Variants in FREM2 observed in about 807,000 individuals in gnomAD.
FREM2 encodes the protein FRAS1 related extracellular matrix 2.
FREM2 carries 119 observed loss-of-function variants against 219.9 expected under a neutral mutation model. That is an observed-to-expected ratio of 0.54 (90% CI 0.47 to 0.63). FREM2 has a LOEUF of 0.63. FREM2 is among the 30% of genes least tolerant of loss of function. The pLI is 0.00. For missense variants in FREM2, 4,030 were observed against 3,993.6 expected (o/e 1.01, Z -0.25); for synonymous variants, 1,562 against 1,522.8 (o/e 1.03, Z -0.60).
At position 38,689,580 on chromosome 13, in the gene FREM2, C is replaced by T. The variant is rs1869709304; in HGVS notation, c.2236C>T (p.Pro746Ser). 1 of 1,612,682 alleles carries T rather than the reference C, an allele frequency of 6.2e-7. No individual in the cohort carries two copies. The highest frequency in any genetic ancestry group is 8.5e-7 in the Non-Finnish European group (1 of 1,179,184). ...RELRYTVTQP[P>S]TDTDENHLPA... ...ACTACGTTACACAGTGACTCAGCCC[C>T]CCACAGACACAGACGAAAATCACCT... The change falls in exon 1 of 24, where the codon CCC (proline) becomes TCC (serine). Residue 746 changes from proline to serine, a missense_variant. Transcript: ENST00000280481.
At chr13:38,773,395 C>T (rs1013821059) in intron 4 of FREM2, among the ~76,000 whole-genome samples, 1 of 151,834 alleles carries the variant, frequency 6.6e-6, no homozygotes, top group African/African-American at 2.4e-5. Context: ...TCCCCCACAC[C>T]CCCTTTTTTT....
chr13:38,749,600 T>C (rs1490281420), intron 2 of FREM2, among the ~76,000 whole-genome samples: 2 of 151,894 alleles, frequency 1.3e-5, no homozygotes, highest in Non-Finnish European at 1.5e-5. Flanking sequence ...GGTGGGAGGG[T>C]CTGACTGTCC....
chr13:38,687,597 C>G lies in FREM2; in HGVS notation c.253C>G (p.Arg85Gly), dbSNP rs975501544. The G allele has an allele frequency of 6.8e-6, 11 of 1,608,776 alleles. No homozygotes were observed. The highest frequency in any genetic ancestry group is 1.1e-5 in the South Asian group (1 of 90,338). The change falls in exon 1 of 24, where the codon CGT becomes GGT. Residue 85 changes from arginine (R) to glycine (G), a missense_variant. Transcript: ENST00000280481. Reference sequence around the variant, plus strand: ...CCGCGGACTCCGGGTGCCTTTCGGCCGTGAAGTCTGGCTGGATCCCCTGCA... The same window carrying G: ...CCGCGGACTCCGGGTGCCTTTCGGCGGTGAAGTCTGGCTGGATCCCCTGCA... ...ANRGLRVPFG[R>G]EVWLDPLHDL...
chr13:38,815,126 C>T (rs1875714293), intron 6 of FREM2, among the ~76,000 whole-genome samples: 1 of 152,134 alleles, frequency 6.6e-6, no homozygotes, highest in Admixed American at 6.5e-5. Context: ...CACATGGTTG[C>T]TAAAATTTGG....
rs1036149015 is a variant in FREM2 at position 38,784,027 on chromosome 13, A to G, written c.5768-530A>G. Reference sequence around the variant, plus strand: ...GGCAGAAGAGTTGCTTGAACCCAGGAGGCGGAGGTTGCAGCGAGCCAAGAT... The same window carrying G: ...GGCAGAAGAGTTGCTTGAACCCAGGGGGCGGAGGTTGCAGCGAGCCAAGAT... On this transcript the variant is annotated intron_variant, in intron 5 of 23. Transcript: ENST00000280481. Among the ~76,000 whole-genome samples the G allele has an allele frequency of 6.6e-5, 10 of 152,362 alleles. No homozygotes were observed. In the South Asian group the frequency reaches 1.2e-3, roughly 19 times the overall value.
At chr13:38,818,017 C>T (rs181711450) in intron 6 of FREM2, among the ~76,000 whole-genome samples, 6 of 152,102 alleles carry the variant, frequency 3.9e-5, no homozygotes, top group African/African-American at 1.4e-4. Context: ...GTTAGAATGG[C>T]TATTATAAAA....
At chr13:38,706,569 A>G (rs534194360) in intron 2 of FREM2, among the ~76,000 whole-genome samples, 1 of 152,204 alleles carries the variant, frequency 6.6e-6, no homozygotes, top group Non-Finnish European at 1.5e-5. Flanking sequence ...ACTCCTAACA[A>G]GTTCCTTCAA....
At chr13:38,760,351 T>G (rs1312703459) in intron 2 of FREM2, among the ~76,000 whole-genome samples, 4 of 152,228 alleles carry the variant, frequency 2.6e-5, no homozygotes, top group Non-Finnish European at 5.9e-5. Flanking sequence ...TCGAAACCTC[T>G]GATTAACCAG....
At position 38,769,654 on chromosome 13, in the gene FREM2, C is replaced by G. The variant is rs1023998426; in HGVS notation, c.5487C>G (p.Asn1829Lys). The G allele has an allele frequency of 2.5e-6, 4 of 1,614,182 alleles. No individual in the cohort carries two copies. Among genetic ancestry groups the G allele is most frequent in the Non-Finnish European group, 3.4e-6 (4 of 1,180,028 alleles). The change falls in exon 4 of 24, where the codon AAC becomes AAG. Residue 1829 changes from asparagine (N) to lysine (K), a missense_variant. Asn to Lys is a moderately conservative substitution (Grantham distance 94). Transcript: ENST00000280481. ...AAGCACAGAAACAAGTGCAGTTCAA[C>G]CCAGGCCAGACCAGGGCCACATGGC... is the stretch of plus-strand genomic sequence containing the variant. ...KGKAQKQVQFNPGQTRATWRV... is the reference protein window; with the variant it reads ...KGKAQKQVQFKPGQTRATWRV...
chr13:38,875,135 C>T lies in FREM2; in HGVS notation c.8281+549C>T, dbSNP rs79081651. Among the ~76,000 whole-genome samples, 11 of 144,936 alleles carry T rather than the reference C, an allele frequency of 7.6e-5. 1 individual carries two copies. Among genetic ancestry groups the T allele is most frequent in the Admixed American group, 2.8e-4 (4 of 14,252 alleles). The stretch of plus-strand genomic sequence containing the variant: ...CAAGGCAGCAGTCGATAAAATCCCA[C>T]GTCTAACTTCATTTGTTTTTTGTTT... On this transcript the variant is annotated intron_variant, in intron 18 of 23. Coordinates refer to ENST00000280481, the MANE Select transcript of FREM2 (RefSeq NM_207361.6).
chr13:38,707,032 A>C (rs1489400025), intron 2 of FREM2, among the ~76,000 whole-genome samples: 1 of 152,206 alleles, frequency 6.6e-6, no homozygotes, highest in Non-Finnish European at 1.5e-5. Flanking sequence ...AATGAGAAAA[A>C]AATGTTTTTC....
rs58097045 is a variant in FREM2 at position 38,712,650 on chromosome 13, TCACACA to T, written c.5263+14884_5263+14889del. Among the ~76,000 whole-genome samples, 952 of 148,762 alleles carry T rather than the reference TCACACA, an allele frequency of 6.4e-3. 17 individuals carry two copies. Among genetic ancestry groups the T allele is most frequent in the African/African-American group, 0.021 (835 of 40,412 alleles). ...GTCTCTTACTCTCTCTTTCTCTCTC[TCACACA>T]CACACACACACACACACACAAACAC... On this transcript the variant is annotated intron_variant, in intron 2 of 23. Coordinates refer to ENST00000280481, the MANE Select transcript of FREM2 (RefSeq NM_207361.6).
At chr13:38,741,904 C>A (rs1281901234) in intron 2 of FREM2, among the ~76,000 whole-genome samples, 2 of 152,196 alleles carry the variant, frequency 1.3e-5, no homozygotes, top group East Asian at 3.9e-4. Context: ...GACACTGAGG[C>A]TTTTCTATGT....
chr13:38,705,516 G>T (rs1298528918), intron 2 of FREM2, among the ~76,000 whole-genome samples: 1 of 152,224 alleles, frequency 6.6e-6, no homozygotes, highest in Admixed American at 6.5e-5. Flanking sequence ...AGCTTTAGGA[G>T]TGAGAGCTGG....
At chr13:38,864,746 T>C in intron 16 of FREM2, 140 bp downstream of exon 16, 1 of 738,324 alleles carries the variant, frequency 1.4e-6, no homozygotes, top group Non-Finnish European at 2.4e-6. Context: ...ACCAGACAAC[T>C]GGCATGGATG....
rs759980022 is a variant in FREM2, at chr13:38,689,893, C to T, written c.2549C>T (p.Thr850Ile). ...AAGGGTCACCACATCCTGAGTGAGA[C>T]AGAGTTGCACGTGAATGATGTAGAC... ...QEKGHHILSETELHVNDVDTD... is the reference protein window; with the variant it reads ...QEKGHHILSEIELHVNDVDTD... Residue 850 changes from threonine to isoleucine, a missense_variant, in exon 1 of 24, where the codon ACA (threonine) becomes ATA (isoleucine). Coordinates refer to ENST00000280481, the MANE Select transcript of FREM2 (RefSeq NM_207361.6). The T allele has an allele frequency of 6.2e-7, 1 of 1,614,190 alleles. No homozygotes were observed. Among genetic ancestry groups the T allele is most frequent in the Non-Finnish European group, 8.5e-7 (1 of 1,180,046 alleles).
chr13:38,863,577 C>G (rs932140298), intron 15 of FREM2, among the ~76,000 whole-genome samples: 1 of 151,868 alleles, frequency 6.6e-6, no homozygotes, highest in African/African-American at 2.4e-5. Flanking sequence ...ATGAGTGGCA[C>G]TTTTATATTC....
Position 38,688,026 on chromosome 13 carries a change from C to T in FREM2, c.682C>T (p.Pro228Ser). Reference protein sequence around the residue: ...VGILSGLGALPRYGELLHYPQ... With the variant: ...VGILSGLGALSRYGELLHYPQ... ...CATCCTGTCCGGCTTGGGCGCGCTG[C>T]CTCGCTATGGAGAACTCCTCCACTA... The change falls in exon 1 of 24, where the codon CCT (proline) becomes TCT (serine). Residue 228 changes from proline (P) to serine (S), a missense_variant. Pro to Ser is a moderately conservative substitution (Grantham distance 74). Transcript: ENST00000280481. The T allele has an allele frequency of 6.2e-7, 1 of 1,610,994 alleles. No individual in the cohort carries two copies. Among genetic ancestry groups the T allele is most frequent in the Non-Finnish European group, 8.5e-7 (1 of 1,177,876 alleles).
chr13:38,737,808 T>A (rs749523579), intron 2 of FREM2, among the ~76,000 whole-genome samples: 3 of 152,182 alleles, frequency 2.0e-5, no homozygotes, highest in African/African-American at 7.2e-5. Context: ...TTTGGTGTGT[T>A]GTTCTAAGGT....
Sources: allele counts gnomAD v4.1 joint callset (sites outside exome capture counted in the v4.1 genomes callset), GRCh38; gene constraint gnomAD v4.1.1; transcripts MANE v1.5; gene names NCBI Gene and HGNC (gene_info 2026-07-23, HGNC 2026-07-21).